ALDH1A2: variants seen among roughly 807,000 people sequenced by gnomAD.
The protein encoded by ALDH1A2 is retinal dehydrogenase 2.
In ALDH1A2, 27 loss-of-function variants were observed where a neutral mutation model predicts 60.3. The ratio of observed to expected loss-of-function variants is 0.45; its 90% confidence interval spans 0.33 to 0.62. The LOEUF is 0.62. Ranked by LOEUF, ALDH1A2 falls within the 20% of genes least tolerant of loss-of-function variation. The pLI is 0.02. For synonymous variants in ALDH1A2, 289 were observed against 232.4 expected, an observed-to-expected ratio of 1.24 and a Z score of -2.21; for missense variants, 581 against 643.8, an observed-to-expected ratio of 0.90 and a Z score of 1.06.
chr15:58,055,346 C>G (rs1896870035), intron 1 of ALDH1A2, among the ~76,000 whole-genome samples: 1 of 151,972 alleles, frequency 6.6e-6, no homozygotes, highest in Non-Finnish European at 1.5e-5. Context: ...AAAGCCGTAG[C>G]TATTAAAATA....
chr15:58,027,596 T>G (rs1266239582), intron 1 of ALDH1A2, among the ~76,000 whole-genome samples: 2 of 152,122 alleles, frequency 1.3e-5, no homozygotes, highest in African/African-American at 4.8e-5. Flanking sequence ...AATAACAAAC[T>G]TCTCTGAGCT....
chr15:58,050,222 C>G (rs1315951355), intron 1 of ALDH1A2, among the ~76,000 whole-genome samples: 1 of 151,702 alleles, frequency 6.6e-6, no homozygotes. Context: ...TTCTACTGTG[C>G]TCTTCATTAT....
At position 57,954,024 on chromosome 15, in the gene ALDH1A2, G is replaced by C. The variant is rs1354885632; in HGVS notation, c.*1173C>G. On this transcript the variant is annotated 3_prime_UTR_variant, in exon 13 of 13. Transcript: ENST00000249750. ...CTGTAGGCCATGGCCTGCCCAGTGA[G>C]GGGCAAGAATGGGGTGTGACAGAGG... is the stretch of plus-strand genomic sequence containing the variant. 6.6e-6 allele frequency: 1 copy of C among 152,476 alleles called. No homozygotes were observed. The highest frequency in any genetic ancestry group is 1.5e-5 in the Non-Finnish European group (1 of 68,112). 9.4% of individuals were successfully genotyped at this position (152,476 alleles called of 1,614,324 possible). A position where few individuals can be genotyped will look rare whatever the true frequency, so the allele number is the denominator to read the frequency against.
intron 7 of ALDH1A2, among the ~76,000 whole-genome samples, chr15:57,982,009 A>G (rs1257731283): frequency 6.6e-6 from 1 of 152,208 alleles, no homozygotes; most frequent in African/African-American, 2.4e-5. Context: ...AGAGACGACA[A>G]GACAGCACGA....
At chr15:57,991,565 G>A (rs369645498) in intron 7 of ALDH1A2, 20 of 152,284 alleles carry the variant, frequency 1.3e-4, no homozygotes, top group Admixed American at 6.5e-4. Context: ...AATGGAGAAC[G>A]TGAAATGTGG....
At position 57,955,329 on chromosome 15, in the gene ALDH1A2, C is replaced by T. The variant is rs932763199; in HGVS notation, c.1485-60G>A. 1.9e-5 allele frequency: 30 copies of T among 1,564,030 alleles called. No homozygotes were observed. In the South Asian group the frequency reaches 2.4e-4, roughly 13 times the overall value. The stretch of plus-strand genomic sequence containing the variant: ...AAGTCCAGGGAGCTGCATGTGAGTG[C>T]AGCGGGAGTCCTGGGGAGGTGCAGT... On this transcript the variant is annotated intron_variant, in intron 12 of 12. Transcript: ENST00000249750.
chr15:57,985,524 G>T (rs1274342172), intron 7 of ALDH1A2, among the ~76,000 whole-genome samples: 1 of 152,116 alleles, frequency 6.6e-6, no homozygotes, highest in African/African-American at 2.4e-5. Flanking sequence ...CAAGTGGCTG[G>T]TCCATAATTA....
intron 7 of ALDH1A2, among the ~76,000 whole-genome samples, chr15:57,989,564 A>G (rs1428048513): frequency 6.6e-6 from 1 of 152,236 alleles, no homozygotes; most frequent in East Asian, 1.9e-4. Context: ...AACAGAAAAA[A>G]TTATGAGCTC....
intron 7 of ALDH1A2, chr15:57,991,381 G>C (rs983179124): frequency 6.6e-6 from 1 of 152,038 alleles, no homozygotes; most frequent in Non-Finnish European, 1.5e-5. Context: ...AACAAACAAG[G>C]TTAACTCGAC....
chr15:57,975,673 A>C (rs1894225315), intron 7 of ALDH1A2, among the ~76,000 whole-genome samples: 5 of 152,346 alleles, frequency 3.3e-5, no homozygotes, highest in African/African-American at 1.2e-4. Context: ...GAACGAATTG[A>C]TATGCACGAC....
At chr15:57,963,657 G>A (rs1356532923) in intron 9 of ALDH1A2, among the ~76,000 whole-genome samples, 5 of 152,086 alleles carry the variant, frequency 3.3e-5, no homozygotes, top group African/African-American at 1.2e-4. Flanking sequence ...TATTCTTAAA[G>A]TAATGGTAAT....
intron 7 of ALDH1A2, among the ~76,000 whole-genome samples, chr15:57,972,862 A>T (rs1247626429): frequency 6.6e-6 from 1 of 152,162 alleles, no homozygotes; most frequent in Non-Finnish European, 1.5e-5. Flanking sequence ...TTTATAGCTA[A>T]AACTGTAGCA....
intron 1 of ALDH1A2, among the ~76,000 whole-genome samples, chr15:58,042,514 T>C (rs1319362631): frequency 2.0e-5 from 3 of 151,956 alleles, no homozygotes; most frequent in African/African-American, 4.8e-5. Context: ...CGTACATTGT[T>C]TCTTCCAGCT....
intron 7 of ALDH1A2, among the ~76,000 whole-genome samples, chr15:57,969,139 C>T (rs1393908778): frequency 1.3e-5 from 2 of 152,176 alleles, no homozygotes; most frequent in African/African-American, 2.4e-5. Flanking sequence ...CAGGACAGGA[C>T]ACTCCTAAAC....
At chr15:58,051,468 CACA>C (rs1210516032) in intron 1 of ALDH1A2, among the ~76,000 whole-genome samples, 4 of 152,026 alleles carry the variant, frequency 2.6e-5, no homozygotes, top group African/African-American at 9.7e-5. Context: ...GCCATTTAAA[CACA>C]ACATTAGAAA....
intron 7 of ALDH1A2, among the ~76,000 whole-genome samples, chr15:57,986,544 G>A (rs1206174782): frequency 2.7e-5 from 3 of 110,178 alleles, no homozygotes; most frequent in African/African-American, 1.1e-4. Flanking sequence ...ACAATGTCCA[G>A]TATCCTTTCA....
chr15:58,005,474 T>C (rs1895419042), intron 4 of ALDH1A2, among the ~76,000 whole-genome samples: 1 of 151,946 alleles, frequency 6.6e-6, no homozygotes. Flanking sequence ...TATGAAGAAA[T>C]GGGTGAAGGA....
rs530798782 is a variant in ALDH1A2 at position 58,023,799 on chromosome 15, G to C, written c.118-9518C>G. Among the ~76,000 whole-genome samples the C allele has an allele frequency of 3.9e-5, 6 of 152,264 alleles. No homozygotes were observed. In the East Asian group the frequency reaches 1.2e-3, roughly 29 times the overall value. On this transcript the variant is annotated intron_variant, in intron 1 of 12. Coordinates refer to ENST00000249750, the MANE Select transcript of ALDH1A2 (RefSeq NM_003888.4). The stretch of plus-strand genomic sequence containing the variant: ...CACTAGGACTGACCCTACAAGAAAT[G>C]CTCAAAATAGGGCTGGGCAGGGTGG...
At chr15:57,961,364 C>T (rs1893714714) in intron 10 of ALDH1A2, 70 bp from the exon 11 acceptor site, 1 of 1,554,562 alleles carries the variant, frequency 6.4e-7, no homozygotes, top group Non-Finnish European at 8.8e-7. Context: ...CATTTCAATG[C>T]AAGTTTACTC....
Sources: allele counts gnomAD v4.1 joint callset (sites outside exome capture counted in the v4.1 genomes callset), GRCh38; gene constraint gnomAD v4.1.1; transcripts MANE v1.5; gene names NCBI Gene and HGNC (gene_info 2026-07-23, HGNC 2026-07-21).